The following FAM50B variants were observed in gnomAD, a reference collection of about 807,000 sequenced individuals.
FAM50B encodes the protein family with sequence similarity 50 member B.
A neutral mutation model predicts 25.4 loss-of-function variants in FAM50B; 9 were observed. The observed-to-expected ratio is 0.35, with a 90% CI of 0.21 to 0.62. FAM50B has a LOEUF of 0.62. FAM50B is among the 20% of genes least tolerant of loss of function. FAM50B has a pLI of 0.73. For synonymous variants in FAM50B, 212 were observed against 204.3 expected, an observed-to-expected ratio of 1.04 and a Z score of -0.32; for missense variants, 372 against 477.9, an observed-to-expected ratio of 0.78 and a Z score of 2.07.
the FAM50B span, among the ~76,000 whole-genome samples, chr6:3,840,075 C>T: frequency 1.3e-5 from 2 of 152,164 alleles, no homozygotes; most frequent in South Asian, 4.1e-4. Context: ...TCACTGTAAC[C>T]TCAGCCTCCC....
At chr6:3,833,838 GT>G in the FAM50B span, 1 of 152,170 alleles carries the variant, frequency 6.6e-6, no homozygotes, top group Non-Finnish European at 1.5e-5. Flanking sequence ...CAAAGCCCAT[GT>G]GGCCTCTGAT....
rs570485550 is a variant in FAM50B at position 3,850,390 on chromosome 6, C to T, written c.579C>T (p.Asp193=). ...EEMEVTFSYW[D]GSGHRRTVRV... is the part of the protein sequence containing the mutation. ...TGGAGGTCACCTTCAGCTACTGGGA[C>T]GGCTCGGGCCACCGGCGCACGGTGC... Residue 193 remains aspartate, a synonymous_variant, in exon 2 of 2, where the codon GAC becomes GAT. Coordinates refer to ENST00000648326, the MANE Select transcript of FAM50B (RefSeq NM_012135.3). 10 of 1,613,326 alleles carry T rather than the reference C, an allele frequency of 6.2e-6. No individual in the cohort carries two copies. In the Admixed American group the frequency reaches 8.3e-5, roughly 13 times the overall value.
chr6:3,849,119 C>A (rs1762161375), upstream of FAM50B, among the ~76,000 whole-genome samples: 1 of 152,196 alleles, frequency 6.6e-6, no homozygotes, highest in East Asian at 1.9e-4. Flanking sequence ...GGGGGCCCGC[C>A]CTGCCCACAG....
the FAM50B span, among the ~76,000 whole-genome samples, chr6:3,842,007 G>A: frequency 2.0e-5 from 3 of 152,362 alleles, no homozygotes; most frequent in East Asian, 1.9e-4. Context: ...CAGCAGAGCA[G>A]CAGCTGCTGC....
rs1049964016 is a variant in FAM50B at position 3,850,343 on chromosome 6, G to A, written c.532G>A (p.Glu178Lys). 1.9e-6 allele frequency: 3 copies of A among 1,613,322 alleles called. No homozygotes were observed. The South Asian group carries it at 3.3e-5, about 18-fold the overall frequency. ...ELRQEWEAQR[E>K]KVKDEEMEVT... Reference sequence around the variant, plus strand: ...GCGCCAAGAGTGGGAGGCGCAGCGCGAGAAAGTGAAGGACGAGGAGATGGA... The same window carrying A: ...GCGCCAAGAGTGGGAGGCGCAGCGCAAGAAAGTGAAGGACGAGGAGATGGA... The change falls in exon 2 of 2, where the codon GAG becomes AAG. Residue 178 changes from glutamate (E) to lysine (K), a missense_variant. By Grantham distance (56) the Glu-to-Lys change is moderately conservative. Transcript: ENST00000648326.
At chr6:3,837,660 C>A in the FAM50B span, among the ~76,000 whole-genome samples, 1 of 152,174 alleles carries the variant, frequency 6.6e-6, no homozygotes, top group African/African-American at 2.4e-5. Context: ...TTATTTCTTA[C>A]AGTTCTGGAG....
chr6:3,845,442 G>A (rs999660883), upstream of FAM50B, among the ~76,000 whole-genome samples: 14 of 152,166 alleles, frequency 9.2e-5, no homozygotes, highest in South Asian at 2.1e-4. Context: ...GTGGCCAAAC[G>A]ATAGTCGATT....
rs1301868943 is a variant in FAM50B, at chr6:3,850,169, C to T, written c.358C>T (p.Leu120=). Reference sequence around the variant, plus strand: ...CGAGCGCAAGCGTAAGATCTCCTGCCTGTCCTTTGCACTAGACGACCTCGA... The same window carrying T: ...CGAGCGCAAGCGTAAGATCTCCTGCTTGTCCTTTGCACTAGACGACCTCGA... ...RRERKRKISC[L]SFALDDLDDQ... is the part of the protein sequence containing the mutation. The change falls in exon 2 of 2, where the codon CTG becomes TTG. Residue 120 remains leucine, a synonymous_variant. Coordinates refer to ENST00000648326, the MANE Select transcript of FAM50B (RefSeq NM_012135.3). 1.9e-6 allele frequency: 3 copies of T among 1,613,322 alleles called. No individual in the cohort carries two copies. Among genetic ancestry groups the T allele is most frequent in the South Asian group, 1.1e-5 (1 of 91,054 alleles).
At chr6:3,839,998 TTTG>T in the FAM50B span, among the ~76,000 whole-genome samples, 1 of 151,944 alleles carries the variant, frequency 6.6e-6, no homozygotes, top group Non-Finnish European at 1.5e-5. Flanking sequence ...TGTTTGTTTG[TTTG>T]TTGTTTTTTG....
chr6:3,841,280 T>C, the FAM50B span, among the ~76,000 whole-genome samples: 2 of 152,148 alleles, frequency 1.3e-5, no homozygotes, highest in Admixed American at 1.3e-4. Flanking sequence ...CAGATGATAA[T>C]GCAATTCCCC....
chr6:3,835,376 A>G, the FAM50B span, among the ~76,000 whole-genome samples: 1 of 152,170 alleles, frequency 6.6e-6, no homozygotes, highest in East Asian at 1.9e-4. Flanking sequence ...CTTCCCCACT[A>G]TTGCCCAACC....
chr6:3,848,557 G>C (rs1434711461), upstream of FAM50B, among the ~76,000 whole-genome samples: 3 of 152,188 alleles, frequency 2.0e-5, no homozygotes, highest in African/African-American at 7.2e-5. Flanking sequence ...GCTCTTAGGC[G>C]GGAGGAGGCT....
chr6:3,840,421 C>T, the FAM50B span, among the ~76,000 whole-genome samples: 4 of 151,918 alleles, frequency 2.6e-5, no homozygotes, highest in Admixed American at 1.3e-4. Context: ...TGCAGTGAGC[C>T]GAGATCACGC....
the FAM50B span, among the ~76,000 whole-genome samples, chr6:3,835,546 C>A: frequency 2.0e-5 from 3 of 152,310 alleles, no homozygotes. Flanking sequence ...ACTTCCACCC[C>A]CGCCACAAGA....
At chr6:3,832,870 T>A in the FAM50B span, among the ~76,000 whole-genome samples, 1 of 151,978 alleles carries the variant, frequency 6.6e-6, no homozygotes, top group Non-Finnish European at 1.5e-5. Context: ...TTTTTTTTTT[T>A]AATCTGAGAC....
the FAM50B span, among the ~76,000 whole-genome samples, chr6:3,835,574 T>C: frequency 6.6e-6 from 1 of 152,184 alleles, no homozygotes; most frequent in Non-Finnish European, 1.5e-5. Flanking sequence ...GTTTGGAGTC[T>C]CTAGAGAAGA....
the FAM50B span, among the ~76,000 whole-genome samples, chr6:3,842,662 C>G: frequency 2.6e-5 from 4 of 152,220 alleles, no homozygotes; most frequent in African/African-American, 9.6e-5. Flanking sequence ...CAGAGCTTCT[C>G]TCCCTATCTG....
At chr6:3,835,790 T>C in the FAM50B span, among the ~76,000 whole-genome samples, 4 of 152,192 alleles carry the variant, frequency 2.6e-5, no homozygotes, top group Non-Finnish European at 4.4e-5. Flanking sequence ...CTATAACAAA[T>C]TTGCAGTAAT....
chr6:3,850,044 AGG>A lies in FAM50B; in HGVS notation c.234_235del (p.Glu78AspfsTer38). ...CTGAACGACATGAAGGCCCGGCAGGAGGCCCTGGTCAGGGAGCGCGAGCGGCA... is the reference window on the plus strand; with the variant it reads ...CTGAACGACATGAAGGCCCGGCAGGACCCTGGTCAGGGAGCGCGAGCGGCA... On this transcript the variant is annotated frameshift_variant, in exon 2 of 2. Transcript: ENST00000648326. LOFTEE classifies it high-confidence loss of function. The A allele has an allele frequency of 6.2e-7, 1 of 1,613,144 alleles. No individual in the cohort carries two copies. The highest frequency in any genetic ancestry group is 8.5e-7 in the Non-Finnish European group (1 of 1,179,672).
Sources: gnomAD v4.1 joint callset for allele counts (sites outside exome capture counted in the v4.1 genomes callset) on GRCh38, gnomAD v4.1.1 for gene constraint, MANE v1.5 for transcripts, NCBI Gene and HGNC (gene_info 2026-07-23, HGNC 2026-07-21) for gene names.